NDST4: variants seen among roughly 807,000 people sequenced by gnomAD.
NDST4 encodes N-deacetylase and N-sulfotransferase 4.
Under a neutral mutation model 100.8 loss-of-function variants are expected in NDST4, and 63 were observed. The ratio of observed to expected loss-of-function variants is 0.62; its 90% CI spans 0.51 to 0.77. The LOEUF (loss-of-function observed/expected upper bound fraction) is 0.77, where lower values mean the gene tolerates loss of function less well. Ranked by LOEUF, NDST4 falls within the 30% of genes least tolerant of loss-of-function variation. The pLI is 0.00. For synonymous variants in NDST4, 377 were observed against 361.8 expected (o/e 1.04, Z -0.48); for missense variants, 943 against 1,018.4 (o/e 0.93, Z 1.01).
intron 7 of NDST4, among the ~76,000 whole-genome samples, chr4:114,855,376 A>G (rs1723771705): frequency 6.6e-6 from 1 of 152,106 alleles, no homozygotes; most frequent in Non-Finnish European, 1.5e-5. Context: ...GAGTTTCTCC[A>G]ATGTTTTATT....
At chr4:115,023,514 C>A (rs562940080) in intron 2 of NDST4, among the ~76,000 whole-genome samples, 6 of 148,010 alleles carry the variant, frequency 4.1e-5, no homozygotes, top group Admixed American at 1.3e-4. Flanking sequence ...AGAACTTATT[C>A]ATGTAACCAA....
chr4:114,940,075 A>T (rs1246212631), intron 4 of NDST4, among the ~76,000 whole-genome samples: 1 of 152,216 alleles, frequency 6.6e-6, no homozygotes, highest in Non-Finnish European at 1.5e-5. Flanking sequence ...AAGCCTTCCA[A>T]TGTAAATATA....
At chr4:115,049,880 A>G (rs1728547446) in intron 2 of NDST4, among the ~76,000 whole-genome samples, 1 of 152,138 alleles carries the variant, frequency 6.6e-6, no homozygotes, top group African/African-American at 2.4e-5. Flanking sequence ...AAAATAATCA[A>G]TTTGTAGTTT....
intron 2 of NDST4, among the ~76,000 whole-genome samples, chr4:115,005,130 C>T (rs114142280): frequency 0.015 from 2,302 of 152,224 alleles, 69 homozygotes; most frequent in African/African-American, 0.052. Flanking sequence ...AAGAATAATT[C>T]ATCACTCTTT....
At chr4:115,078,667 T>C (rs1578505980) in intron 1 of NDST4, among the ~76,000 whole-genome samples, 5 of 152,032 alleles carry the variant, frequency 3.3e-5, no homozygotes, top group Admixed American at 3.3e-4. Flanking sequence ...AGTGAAACCC[T>C]GTCTCTACTA....
chr4:114,833,339 A>C (rs1408875979), intron 12 of NDST4, among the ~76,000 whole-genome samples: 2 of 152,218 alleles, frequency 1.3e-5, no homozygotes, highest in Non-Finnish European at 2.9e-5. Context: ...TAGGCATATA[A>C]AAAATTTACT....
At chr4:115,086,876 T>A (rs1399715520) in intron 1 of NDST4, among the ~76,000 whole-genome samples, 1 of 152,100 alleles carries the variant, frequency 6.6e-6, no homozygotes, top group Non-Finnish European at 1.5e-5. Context: ...ATAAAGAAAC[T>A]TTTATGTGGA....
chr4:115,000,544 TA>T (rs1231620003), intron 2 of NDST4, among the ~76,000 whole-genome samples: 1 of 151,956 alleles, frequency 6.6e-6, no homozygotes, highest in Non-Finnish European at 1.5e-5. Flanking sequence ...TAAAGCAAAA[TA>T]AAACAAAACA....
At chr4:115,113,164 G>A (rs149472506) in intron 1 of NDST4, among the ~76,000 whole-genome samples, 2 of 151,980 alleles carry the variant, frequency 1.3e-5, no homozygotes, top group African/African-American at 4.8e-5. Flanking sequence ...CTATGCAAAT[G>A]TTCCGGCAAC....
At chr4:114,897,333 A>G (rs1469360108) in intron 6 of NDST4, among the ~76,000 whole-genome samples, 1 of 152,160 alleles carries the variant, frequency 6.6e-6, no homozygotes, top group African/African-American at 2.4e-5. Context: ...AAAATCATAC[A>G]GCCATTTAAG....
At chr4:115,081,202 A>G (rs1729295499) in intron 1 of NDST4, among the ~76,000 whole-genome samples, 1 of 152,182 alleles carries the variant, frequency 6.6e-6, no homozygotes, top group Admixed American at 6.5e-5. Context: ...TAGAAGAATG[A>G]TAGATACATA....
At chr4:115,024,802 A>G (rs912062767) in intron 2 of NDST4, among the ~76,000 whole-genome samples, 3 of 152,212 alleles carry the variant, frequency 2.0e-5, no homozygotes, top group Non-Finnish European at 2.9e-5. Context: ...TGTCACCTTC[A>G]AAATGCGTGT....
intron 2 of NDST4, among the ~76,000 whole-genome samples, chr4:115,026,208 A>C (rs1727980939): frequency 6.6e-6 from 1 of 152,106 alleles, no homozygotes. Flanking sequence ...TTATTGAAGC[A>C]AACTGATTTG....
At chr4:114,948,903 A>G (rs568471122) in intron 4 of NDST4, among the ~76,000 whole-genome samples, 12 of 152,222 alleles carry the variant, frequency 7.9e-5, no homozygotes, top group African/African-American at 2.6e-4. Context: ...AAGAGAAAAG[A>G]AAAGAGGCAG....
intron 2 of NDST4, among the ~76,000 whole-genome samples, chr4:115,012,952 C>T (rs555301649): frequency 3.4e-4 from 51 of 151,458 alleles, no homozygotes; most frequent in African/African-American, 1.2e-3. Flanking sequence ...AAGCTAGACA[C>T]AGAAGGGCAA....
chr4:114,986,739 G>A (rs533712069), intron 2 of NDST4, among the ~76,000 whole-genome samples: 5 of 141,490 alleles, frequency 3.5e-5, no homozygotes, highest in Non-Finnish European at 7.5e-5. Context: ...ATCAGTTAGG[G>A]CACTGGCATT....
chr4:114,871,548 CAAAGAA>C (rs1332557620), intron 6 of NDST4, among the ~76,000 whole-genome samples: 1 of 151,466 alleles, frequency 6.6e-6, no homozygotes, highest in Non-Finnish European at 1.5e-5. Context: ...GTATCACAGA[CAAAGAA>C]AAAGTGAAAT....
chr4:115,106,654 A>T (rs1176829780), intron 1 of NDST4, among the ~76,000 whole-genome samples: 2 of 152,156 alleles, frequency 1.3e-5, no homozygotes, highest in Non-Finnish European at 2.9e-5. Flanking sequence ...GTACAGAAAC[A>T]ATCATCTATG....
chr4:114,929,126 A>ATCTATCTG (rs1725457468), intron 6 of NDST4, among the ~76,000 whole-genome samples: 1 of 146,622 alleles, frequency 6.8e-6, no homozygotes, highest in African/African-American at 2.5e-5. Flanking sequence ...CTATCTATCT[A>ATCTATCTG]TCTATCTATC....
Sources: allele counts gnomAD v4.1 joint callset (sites outside exome capture counted in the v4.1 genomes callset), GRCh38; gene constraint gnomAD v4.1.1; transcripts MANE v1.5; gene names NCBI Gene and HGNC (gene_info 2026-07-23, HGNC 2026-07-21).